ATP1B3: variants seen among roughly 807,000 people sequenced by gnomAD.
The protein encoded by ATP1B3 is ATPase Na+/K+ transporting subunit beta 3.
Under a neutral mutation model 30.2 loss-of-function variants are expected in ATP1B3, and 10 were observed. The observed-to-expected ratio is 0.33, with a 90% CI of 0.20 to 0.56. ATP1B3 has a LOEUF of 0.56. Among genes scored for constraint, ATP1B3 ranks in the 20% least tolerant of loss-of-function variants. ATP1B3 has a pLI of 0.90. For synonymous variants in ATP1B3, 113 were observed against 117.0 expected (o/e 0.97, Z 0.22); for missense variants, 238 against 336.7 (o/e 0.71, Z 2.29).
chr3:141,913,624 C>A, intron 3 of ATP1B3, 28 bp from the exon 4 acceptor site: 1 of 1,577,492 alleles, frequency 6.3e-7, no homozygotes, highest in Non-Finnish European at 8.6e-7. Flanking sequence ...TTTGGCTGAT[C>A]TAGCACACAT....
At chr3:141,911,561 C>T (rs890435541) in intron 3 of ATP1B3, among the ~76,000 whole-genome samples, 1 of 147,652 alleles carries the variant, frequency 6.8e-6, no homozygotes, top group African/African-American at 2.5e-5. Flanking sequence ...ATGGCTTGTT[C>T]TCAGCTCACT....
intron 3 of ATP1B3, among the ~76,000 whole-genome samples, chr3:141,913,263 T>C (rs1934396587): frequency 6.6e-6 from 1 of 152,080 alleles, no homozygotes; most frequent in Admixed American, 6.6e-5. Context: ...ATTCTGATTT[T>C]ATACTCACTT....
intron 1 of ATP1B3, among the ~76,000 whole-genome samples, chr3:141,883,532 CAACAA>C (rs993710876): frequency 9.9e-5 from 15 of 152,140 alleles, no homozygotes; most frequent in African/African-American, 2.9e-4. Context: ...AGTTAAGACT[CAACAA>C]AATAAAATAA....
intron 1 of ATP1B3, among the ~76,000 whole-genome samples, chr3:141,897,549 T>G (rs1312568346): frequency 6.6e-6 from 1 of 152,216 alleles, no homozygotes; most frequent in Admixed American, 6.5e-5. Context: ...TACTGGTCTA[T>G]TTCTTTTACT....
intron 5 of ATP1B3, 50 bp downstream of exon 5, chr3:141,916,070 T>C: frequency 6.7e-7 from 1 of 1,500,362 alleles, no homozygotes; most frequent in Non-Finnish European, 9.2e-7. Flanking sequence ...TTTCTTAAAA[T>C]ACTTTAAAAG....
intron 1 of ATP1B3, among the ~76,000 whole-genome samples, chr3:141,888,732 G>A (rs1933881195): frequency 6.6e-6 from 1 of 152,070 alleles, no homozygotes; most frequent in South Asian, 2.1e-4. Context: ...TCTTTCTTGT[G>A]CTCTTCTTGA....
chr3:141,882,393 T>C (rs1419860185), intron 1 of ATP1B3, among the ~76,000 whole-genome samples: 1 of 152,226 alleles, frequency 6.6e-6, no homozygotes, highest in African/African-American at 2.4e-5. Flanking sequence ...CCTGATCTTA[T>C]CATTTAACAT....
intron 4 of ATP1B3, 70 bp downstream of exon 4, chr3:141,913,906 G>T: frequency 2.8e-6 from 4 of 1,442,000 alleles, no homozygotes; most frequent in Non-Finnish European, 3.7e-6. Context: ...ACTATTTTTA[G>T]ATTGTTGTGG....
intron 6 of ATP1B3, among the ~76,000 whole-genome samples, chr3:141,923,068 A>G (rs1386597266): frequency 1.3e-5 from 2 of 152,178 alleles, no homozygotes; most frequent in Non-Finnish European, 2.9e-5. Flanking sequence ...ACCTGAGGTC[A>G]GGAGTTCTAG....
At chr3:141,924,663 A>C (rs2107781492) in intron 6 of ATP1B3, among the ~76,000 whole-genome samples, 1 of 152,150 alleles carries the variant, frequency 6.6e-6, no homozygotes, top group South Asian at 2.1e-4. Flanking sequence ...ATTAAAAAAT[A>C]ATGATAAGGG....
At chr3:141,911,481 G>A (rs1365227352) in intron 3 of ATP1B3, among the ~76,000 whole-genome samples, 3 of 148,168 alleles carry the variant, frequency 2.0e-5, no homozygotes, top group Non-Finnish European at 4.5e-5. Context: ...CATTCCTCCA[G>A]TTATCTTGGT....
At chr3:141,908,364 C>G (rs534923072) in intron 3 of ATP1B3, among the ~76,000 whole-genome samples, 1 of 152,124 alleles carries the variant, frequency 6.6e-6, no homozygotes, top group Non-Finnish European at 1.5e-5. Flanking sequence ...GGTTCATGAT[C>G]AGCTCATCTC....
chr3:141,885,375 A>G (rs1933807551), intron 1 of ATP1B3, among the ~76,000 whole-genome samples: 1 of 152,184 alleles, frequency 6.6e-6, no homozygotes, highest in African/African-American at 2.4e-5. Context: ...AAATTTCATT[A>G]ACACTCCCAC....
intron 1 of ATP1B3, among the ~76,000 whole-genome samples, chr3:141,896,972 C>T (rs1934077786): frequency 6.6e-6 from 1 of 152,148 alleles, no homozygotes; most frequent in Non-Finnish European, 1.5e-5. Flanking sequence ...GCCTGTATAG[C>T]CAAGAGCAGC....
intron 1 of ATP1B3, among the ~76,000 whole-genome samples, chr3:141,883,148 A>G (rs1425640218): frequency 3.3e-5 from 5 of 152,086 alleles, no homozygotes; most frequent in African/African-American, 1.2e-4. Flanking sequence ...GGCTGATCAG[A>G]TGTCAGCTTT....
chr3:141,876,770 C>T lies in ATP1B3; in HGVS notation c.-32C>T, dbSNP rs375035159. 6 of 1,561,292 alleles carry T rather than the reference C, an allele frequency of 3.8e-6. No homozygotes were observed. Among genetic ancestry groups the T allele is most frequent in the African/African-American group, 2.8e-5 (2 of 71,508 alleles). ...GCCCTCGCCGCCTCCATCCCCGCGG[C>T]CGCAGCTCCTCTCGCCGTCCGCGCG... On this transcript the variant is annotated 5_prime_UTR_variant, in exon 1 of 7. Transcript: ENST00000286371.
At chr3:141,883,330 A>G (rs1218283563) in intron 1 of ATP1B3, among the ~76,000 whole-genome samples, 1 of 152,192 alleles carries the variant, frequency 6.6e-6, no homozygotes, top group Non-Finnish European at 1.5e-5. Context: ...ACTACTAAAA[A>G]TACAAAAAAT....
At chr3:141,915,033 C>G (rs1405201861) in intron 4 of ATP1B3, among the ~76,000 whole-genome samples, 1 of 152,206 alleles carries the variant, frequency 6.6e-6, no homozygotes, top group African/African-American at 2.4e-5. Flanking sequence ...TTTGTTTTAA[C>G]AGAGATGCCT....
At position 141,881,896 on chromosome 3, in the gene ATP1B3, AGGAGAAAGTACTTCCT is replaced by A. The variant is rs553173494; in HGVS notation, c.109+4990_109+5005del. 1.2e-3 allele frequency among the ~76,000 whole-genome samples: 182 copies of A among 152,290 alleles called. 1 individual carries two copies. The highest frequency in any genetic ancestry group is 0.01 in the Middle Eastern group (3 of 294). ...GGCAGGTACTGAGCCATTATCTAGC[AGGAGAAAGTACTTCCT>A]GGATTGTCCAGGAAGTAGTCCTGTG... is the stretch of plus-strand genomic sequence containing the variant. On this transcript the variant is annotated intron_variant, in intron 1 of 6. Transcript: ENST00000286371.
Sources: gnomAD v4.1 joint callset for allele counts (sites outside exome capture counted in the v4.1 genomes callset) on GRCh38, gnomAD v4.1.1 for gene constraint, MANE v1.5 for transcripts, NCBI Gene and HGNC (gene_info 2026-07-23, HGNC 2026-07-21) for gene names.